The following RASSF5 variants were observed in gnomAD, a reference collection of about 807,000 sequenced individuals.
The protein encoded by RASSF5 is Ras association domain family member 5.
RASSF5 carries 25 observed loss-of-function variants against 40.5 expected under a neutral mutation model. That is an observed-to-expected ratio of 0.62 (90% confidence interval 0.45 to 0.86). The LOEUF (loss-of-function observed/expected upper bound fraction) is 0.86, where lower values mean the gene tolerates loss of function less well. Ranked by LOEUF, RASSF5 falls within the 40% of genes least tolerant of loss-of-function variation. The pLI is 0.00. For missense variants in RASSF5, 521 were observed against 572.8 expected (o/e 0.91, Z 0.92); for synonymous variants, 246 against 252.4 (o/e 0.97, Z 0.24).
chr1:206,511,643 C>T (rs1041577481), intron 1 of RASSF5, among the ~76,000 whole-genome samples: 23 of 152,072 alleles, frequency 1.5e-4, no homozygotes, highest in Non-Finnish European at 3.1e-4. Context: ...AAAGGGAGGC[C>T]AACTAACCTC....
chr1:206,508,982 A>AC (rs1553394280), intron 1 of RASSF5, among the ~76,000 whole-genome samples: 1 of 149,706 alleles, frequency 6.7e-6, no homozygotes, highest in East Asian at 2.0e-4. Context: ...TCCACCCTCC[A>AC]CCCCCACCCC....
intron 1 of RASSF5, among the ~76,000 whole-genome samples, chr1:206,511,689 A>G (rs17046247): frequency 0.028 from 4,239 of 152,304 alleles, 205 homozygotes; most frequent in African/African-American, 0.097. Flanking sequence ...TGTGACTACA[A>G]GGCCCTGCCA....
chr1:206,563,309 G>A (rs1278830003), intron 2 of RASSF5, among the ~76,000 whole-genome samples: 1 of 152,150 alleles, frequency 6.6e-6, no homozygotes, highest in African/African-American at 2.4e-5. Flanking sequence ...TCCTGCCACC[G>A]TTTCTGCGCC....
intron 2 of RASSF5, among the ~76,000 whole-genome samples, chr1:206,582,358 G>A (rs1282939242): frequency 6.6e-6 from 1 of 152,202 alleles, no homozygotes; most frequent in Non-Finnish European, 1.5e-5. Context: ...GGTCTCACAG[G>A]AGGAACACAA....
rs568100270 is a variant in RASSF5, at chr1:206,579,468, T to C, written c.580-3801T>C. On this transcript the variant is annotated intron_variant, in intron 2 of 5. Transcript: ENST00000579436. The surrounding 1 kb of genome is among the most constrained non-coding windows in gnomAD (Gnocchi z 4.2). ...GAGTCTTTGTCTTATCCTCTGAAGA[T>C]TGCTATAGTATCGATCTCGCTCTCA... Among the ~76,000 whole-genome samples, 11 of 152,276 alleles carry C rather than the reference T, an allele frequency of 7.2e-5. 1 individual carries two copies. In the East Asian group the frequency reaches 1.7e-3, roughly 24 times the overall value.
chr1:206,533,312 T>C (rs1667288842), intron 1 of RASSF5, among the ~76,000 whole-genome samples: 1 of 152,190 alleles, frequency 6.6e-6, no homozygotes, highest in Admixed American at 6.5e-5. Context: ...CTCCCTGTCC[T>C]GTCCTGCCGG....
chr1:206,564,269 C>T (rs1298698028), intron 2 of RASSF5, among the ~76,000 whole-genome samples: 3 of 152,134 alleles, frequency 2.0e-5, no homozygotes, highest in African/African-American at 7.2e-5. Flanking sequence ...GAGAGACGAC[C>T]TCCTCCAGGA....
At chr1:206,570,046 T>C (rs1454746626) in intron 2 of RASSF5, among the ~76,000 whole-genome samples, 4 of 151,800 alleles carry the variant, frequency 2.6e-5, no homozygotes, top group East Asian at 1.9e-4. Flanking sequence ...TTATTTTTTA[T>C]TGTGGTAAAA....
chr1:206,532,771 C>T (rs1266720825), intron 1 of RASSF5, among the ~76,000 whole-genome samples: 1 of 152,174 alleles, frequency 6.6e-6, no homozygotes, highest in Non-Finnish European at 1.5e-5. Flanking sequence ...TGGCCCTTAC[C>T]CACACCTTGG....
chr1:206,570,434 G>A (rs1245346315), intron 2 of RASSF5, among the ~76,000 whole-genome samples: 2 of 152,048 alleles, frequency 1.3e-5, no homozygotes, highest in Non-Finnish European at 2.9e-5. Flanking sequence ...GTGACGTTAA[G>A]TATAACCTCA....
At position 206,513,618 on chromosome 1, in the gene RASSF5, G is replaced by T. The variant is rs2103501215; in HGVS notation, c.457+5559G>T. 6.6e-6 allele frequency among the ~76,000 whole-genome samples: 1 copy of T among 152,346 alleles called. No homozygotes were observed. Among genetic ancestry groups the T allele is most frequent in the South Asian group, 2.1e-4 (1 of 4,834 alleles). On this transcript the variant is annotated intron_variant, in intron 1 of 5. Coordinates refer to ENST00000579436, the MANE Select transcript of RASSF5 (RefSeq NM_182663.4). The surrounding 1 kb of genome is among the most constrained non-coding windows in gnomAD (Gnocchi z 5.0). ...CAGGGCTCTGTTCTGACTCTCCATG[G>T]CTGGGTGGGGAAGGGCTGGCGGCAG...
At chr1:206,542,748 T>C (rs1667578667) in intron 2 of RASSF5, 1 of 152,242 alleles carries the variant, frequency 6.6e-6, no homozygotes, top group South Asian at 2.1e-4. Context: ...TAAATAGACT[T>C]ATTTTATTAA....
intron 1 of RASSF5, among the ~76,000 whole-genome samples, chr1:206,527,104 T>C (rs916966852): frequency 2.0e-4 from 31 of 152,320 alleles, no homozygotes; most frequent in African/African-American, 7.5e-4. Context: ...CCCTGATTCA[T>C]GTGACTCCAG....
chr1:206,540,808 G>C (rs1667526732), intron 2 of RASSF5, among the ~76,000 whole-genome samples: 1 of 152,166 alleles, frequency 6.6e-6, no homozygotes, highest in South Asian at 2.1e-4. Flanking sequence ...GGATTTAAGG[G>C]AGCAGGGGCT....
rs1558502042 is a variant in RASSF5 at position 206,531,678 on chromosome 1, A to C, written c.458-6494A>C. The stretch of plus-strand genomic sequence containing the variant: ...ATCCCCTTGAAAAGGGATTGAAGAC[A>C]GGTACCATGAGATGGTGACAGTCCC... On this transcript the variant is annotated intron_variant, in intron 1 of 5. Transcript: ENST00000579436. This position sits in a 1 kb window ranked among gnomAD's most constrained non-coding sequence, Gnocchi z 4.7. 6.6e-6 allele frequency among the ~76,000 whole-genome samples: 1 copy of C among 152,232 alleles called. No individual in the cohort carries two copies. Among genetic ancestry groups the C allele is most frequent in the Non-Finnish European group, 1.5e-5 (1 of 68,030 alleles).
At chr1:206,536,484 C>T (rs965281054) in intron 1 of RASSF5, among the ~76,000 whole-genome samples, 2 of 151,986 alleles carry the variant, frequency 1.3e-5, no homozygotes, top group African/African-American at 4.8e-5. Flanking sequence ...AGTGGCAAAA[C>T]CCGTGCAAGA....
At chr1:206,566,228 C>G (rs1307341370) in intron 2 of RASSF5, among the ~76,000 whole-genome samples, 1 of 152,192 alleles carries the variant, frequency 6.6e-6, no homozygotes, top group African/African-American at 2.4e-5. Context: ...CATCCCACCA[C>G]ACACACAGCT....
At position 206,507,561 on chromosome 1, in the gene RASSF5, C is replaced by T; in HGVS notation, c.-42C>T. 7.0e-7 allele frequency: 1 copy of T among 1,427,882 alleles called. No individual in the cohort carries two copies. Among genetic ancestry groups the T allele is most frequent in the Non-Finnish European group, 9.2e-7 (1 of 1,089,218 alleles). The allele number at this position is 1,427,882 out of a possible 1,614,324, so 88.5% of individuals were successfully genotyped here. A position where few individuals can be genotyped will look rare whatever the true frequency, so the allele number is the denominator to read the frequency against. ...GGGGCTGGCTCGGGAGTAGCGCAGTCGCCAAAGCCGCCGCTGCCAAAGCTG... is the reference window on the plus strand; with the variant it reads ...GGGGCTGGCTCGGGAGTAGCGCAGTTGCCAAAGCCGCCGCTGCCAAAGCTG... On this transcript the variant is annotated 5_prime_UTR_variant, in exon 1 of 6. Coordinates refer to ENST00000579436, the MANE Select transcript of RASSF5 (RefSeq NM_182663.4).
intron 2 of RASSF5, chr1:206,544,227 C>A (rs985436399): frequency 6.6e-6 from 1 of 151,828 alleles, no homozygotes; most frequent in Non-Finnish European, 1.5e-5. Flanking sequence ...GAAATGGGAC[C>A]CTGTGAGGCT....
Sources: gnomAD v4.1 joint callset for allele counts (sites outside exome capture counted in the v4.1 genomes callset) on GRCh38, gnomAD v4.1.1 for gene constraint, Gnocchi (gnomAD v3.1) non-coding constraint, MANE v1.5 for transcripts, NCBI Gene and HGNC (gene_info 2026-07-23, HGNC 2026-07-21) for gene names.